Variants in A1CF observed in about 807,000 individuals in gnomAD.
The protein encoded by A1CF is APOBEC-1 stimulating protein.
In A1CF, 48 loss-of-function variants were observed where a neutral mutation model predicts 68.9. The ratio of observed to expected loss-of-function variants is 0.70; its 90% CI spans 0.55 to 0.89. The LOEUF (loss-of-function observed/expected upper bound fraction) is 0.89. Ranked by LOEUF, A1CF falls within the 40% of genes least tolerant of loss-of-function variation. The pLI, the probability that A1CF is intolerant of heterozygous loss-of-function variation, is 0.00. For synonymous variants in A1CF, 272 were observed against 260.4 expected, an observed-to-expected ratio of 1.04 and a Z score of -0.43; for missense variants, 653 against 718.9, an observed-to-expected ratio of 0.91 and a Z score of 1.05.
chr10:50,809,751 G>T (rs1026515031), intron 12 of A1CF, 143 bp downstream of exon 12: 2 of 1,267,866 alleles, frequency 1.6e-6, no homozygotes, highest in Non-Finnish European at 2.2e-6. Flanking sequence ...CACTCATTTG[G>T]GAAACTCTTT....
intron 2 of A1CF, among the ~76,000 whole-genome samples, chr10:50,861,514 A>T (rs1416214167): frequency 6.7e-6 from 1 of 148,652 alleles, no homozygotes; most frequent in East Asian, 2.0e-4. Context: ...AATAAGATAT[A>T]CTATTAGTAA....
Position 50,865,210 on chromosome 10 carries a change from G to C in A1CF, c.-93-1130C>G, listed in dbSNP as rs544757850. The stretch of plus-strand genomic sequence containing the variant: ...GGAGGTTGAGCTTACAGTGAGCTGC[G>C]ATTAGGCCACTGCACTCCAGCCTGG... On this transcript the variant is annotated intron_variant, in intron 1 of 12. Transcript: ENST00000373997. 3.3e-5 allele frequency among the ~76,000 whole-genome samples: 5 copies of C among 152,170 alleles called. No homozygotes were observed. In the South Asian group the frequency reaches 1.0e-3, roughly 32 times the overall value.
intron 3 of A1CF, among the ~76,000 whole-genome samples, chr10:50,855,733 C>T (rs1840449740): frequency 6.6e-6 from 1 of 151,924 alleles, no homozygotes; most frequent in Non-Finnish European, 1.5e-5. Flanking sequence ...AAATTCATCA[C>T]CCTCTGTTTT....
At chr10:50,816,847 C>G (rs1838397563) in intron 8 of A1CF, among the ~76,000 whole-genome samples, 1 of 152,190 alleles carries the variant, frequency 6.6e-6, no homozygotes, top group African/African-American at 2.4e-5. Context: ...GAGAGACATA[C>G]TGTGGCTCTA....
chr10:50,856,840 T>G (rs565263783), intron 3 of A1CF, among the ~76,000 whole-genome samples: 1 of 152,238 alleles, frequency 6.6e-6, no homozygotes, highest in Non-Finnish European at 1.5e-5. Flanking sequence ...CTGAATATCA[T>G]TTAATAGATA....
rs190787101 is a variant in A1CF at position 50,826,434 on chromosome 10, C to T, written c.769+1697G>A. Among the ~76,000 whole-genome samples, 12 of 152,102 alleles carry T rather than the reference C, an allele frequency of 7.9e-5. No homozygotes were observed. The East Asian group carries it at 1.5e-3, about 20-fold the overall frequency. ...GCTTTTAAAGAATGTTTTGATCTCTCGGCAGAAACTCGACAAGCCAGGAGA... is the reference window on the plus strand; with the variant it reads ...GCTTTTAAAGAATGTTTTGATCTCTTGGCAGAAACTCGACAAGCCAGGAGA... On this transcript the variant is annotated intron_variant, in intron 7 of 12. Transcript: ENST00000373997.
In A1CF at chr10:50,811,170, C is replaced by G; in HGVS notation, c.1330G>C (p.Glu444Gln). 2 of 1,610,600 alleles carry G rather than the reference C, an allele frequency of 1.2e-6. No individual in the cohort carries two copies. Among genetic ancestry groups the G allele is most frequent in the Middle Eastern group, 1.7e-4 (1 of 6,030 alleles). ...QGIKLAPQIL[E>Q]EICQKNNWGQ... ...CAGTTATTTTTCTGACAAATCTCTT[C>G]TAATATCTACAAGAATAAAAAAAGT... Residue 444 changes from glutamate (E) to glutamine (Q), a missense_variant, in exon 11 of 13, where the codon GAA (glutamate) becomes CAA (glutamine). Physicochemically the swap from Glu to Gln is conservative, Grantham distance 29 (BLOSUM62 2). Transcript: ENST00000373997.
In A1CF at chr10:50,801,681, A is replaced by G. The variant is rs754111199; in HGVS notation, c.*5048T>C. On this transcript the variant is annotated 3_prime_UTR_variant, in exon 13 of 13. Transcript: ENST00000373997. Reference sequence around the variant, plus strand: ...TAGACAAAGTATCATTTGTGGAAAGAGAACAAGCTGTATTCTTCTTCTTGA... The same window carrying G: ...TAGACAAAGTATCATTTGTGGAAAGGGAACAAGCTGTATTCTTCTTCTTGA... 1 of 152,250 alleles carries G rather than the reference A, an allele frequency of 6.6e-6. No homozygotes were observed. The highest frequency in any genetic ancestry group is 1.5e-5 in the Non-Finnish European group (1 of 68,044). 9.4% of individuals were successfully genotyped at this position (152,250 alleles called of 1,614,324 possible). A position where few individuals can be genotyped will look rare whatever the true frequency, so the allele number is the denominator to read the frequency against.
At chr10:50,818,021 T>C (rs1009876562) in intron 8 of A1CF, among the ~76,000 whole-genome samples, 7 of 152,156 alleles carry the variant, frequency 4.6e-5, no homozygotes, top group African/African-American at 1.2e-4. Context: ...ACCTACCATA[T>C]TGGAAGCTTA....
chr10:50,799,793 G>C lies in A1CF; in HGVS notation c.*6936C>G, dbSNP rs1239129457. On this transcript the variant is annotated 3_prime_UTR_variant, in exon 13 of 13. Transcript: ENST00000373997. ...CATCTGGAAACTATAAATGCATTTTGCTGACAGCTTGCTTTTCATTAAGAT... is the reference window on the plus strand; with the variant it reads ...CATCTGGAAACTATAAATGCATTTTCCTGACAGCTTGCTTTTCATTAAGAT... 1 of 152,140 alleles carries C rather than the reference G, an allele frequency of 6.6e-6. No individual in the cohort carries two copies. The highest frequency in any genetic ancestry group is 6.5e-5 in the Admixed American group (1 of 15,272). 9.4% of individuals were successfully genotyped at this position (152,140 alleles called of 1,614,324 possible).
chr10:50,850,527 T>C (rs1840190737), intron 3 of A1CF: 2 of 1,188,882 alleles, frequency 1.7e-6, no homozygotes, highest in Admixed American at 3.6e-5. Context: ...TTTGTCAGTG[T>C]TTTTCAAAAT....
At chr10:50,882,428 C>T (rs1042993619) in intron 1 of A1CF, among the ~76,000 whole-genome samples, 15 of 152,090 alleles carry the variant, frequency 9.9e-5, no homozygotes, top group Admixed American at 8.5e-4. Context: ...AACGATACTC[C>T]ATCTCATACA....
At chr10:50,825,636 TC>T (rs1838884143) in intron 7 of A1CF, among the ~76,000 whole-genome samples, 1 of 152,184 alleles carries the variant, frequency 6.6e-6, no homozygotes, top group Admixed American at 6.6e-5. Flanking sequence ...CCTGAAATGC[TC>T]TACCTCTCTC....
At chr10:50,837,835 T>A (rs190201607) in intron 5 of A1CF, among the ~76,000 whole-genome samples, 2 of 152,074 alleles carry the variant, frequency 1.3e-5, no homozygotes, top group Non-Finnish European at 2.9e-5. Flanking sequence ...AGAATATATA[T>A]TGGTTTAAAA....
At chr10:50,843,290 C>A (rs1388997843) in intron 4 of A1CF, among the ~76,000 whole-genome samples, 1 of 152,068 alleles carries the variant, frequency 6.6e-6, no homozygotes, top group Non-Finnish European at 1.5e-5. Context: ...TGTCCTCATG[C>A]CAAGAGGGAT....
intron 3 of A1CF, among the ~76,000 whole-genome samples, chr10:50,845,059 G>GT (rs1839937348): frequency 6.6e-6 from 1 of 151,996 alleles, no homozygotes; most frequent in African/African-American, 2.4e-5. Context: ...TTCATACCAC[G>GT]TTTTTTAAAA....
rs1465364329 is a variant in A1CF at position 50,820,454 on chromosome 10, G to C, written c.867+98C>G. 5.2e-6 allele frequency: 5 copies of C among 955,750 alleles called. No homozygotes were observed. In the African/African-American group the frequency reaches 6.6e-5, roughly 13 times the overall value. 59.2% of individuals were successfully genotyped at this position (955,750 alleles called of 1,614,324 possible). A position where few individuals can be genotyped will look rare whatever the true frequency, so the allele number is the denominator to read the frequency against. On this transcript the variant is annotated intron_variant, in intron 8 of 12. Coordinates refer to ENST00000373997, the MANE Select transcript of A1CF (RefSeq NM_014576.4). The stretch of plus-strand genomic sequence containing the variant: ...GACTGAGGCAGCCATGTCAGAGAAG[G>C]CTGGAGTGAGACAGGCTTGCAGGAC...
At chr10:50,811,243 G>T (rs1588963943) in intron 10 of A1CF, 67 bp from the exon 11 acceptor site, 1 of 1,482,618 alleles carries the variant, frequency 6.7e-7, no homozygotes, top group Non-Finnish European at 9.1e-7. Context: ...AAGTTTTCAG[G>T]TTTTTAAACT....
chr10:50,812,149 C>T (rs1377651609), intron 10 of A1CF, among the ~76,000 whole-genome samples: 2 of 152,034 alleles, frequency 1.3e-5, no homozygotes, highest in Non-Finnish European at 2.9e-5. Flanking sequence ...ATCCTCAGAG[C>T]ATTCTCTACA....
Sources: gnomAD v4.1 joint callset for allele counts (sites outside exome capture counted in the v4.1 genomes callset) on GRCh38, gnomAD v4.1.1 for gene constraint, MANE v1.5 for transcripts, NCBI Gene and HGNC (gene_info 2026-07-23, HGNC 2026-07-21) for gene names.